YTHDF2: variants seen among roughly 807,000 people sequenced by gnomAD.
YTHDF2 encodes the protein YTH domain-containing family protein 2.
Under a neutral mutation model 50.4 loss-of-function variants are expected in YTHDF2, and 2 were observed. The observed-to-expected ratio is 0.04, with a 90% CI of 0.02 to 0.12. YTHDF2 has a LOEUF of 0.12. YTHDF2 is among the 10% of genes least tolerant of loss of function. The probability of loss-of-function intolerance (pLI) is 1.00; values close to 1 mark genes in which losing one functional copy is unlikely to be tolerated. For missense variants in YTHDF2, 483 were observed against 722.6 expected (o/e 0.67, Z 3.80); for synonymous variants, 217 against 255.6 (o/e 0.85, Z 1.44).
At chr1:28,737,549 C>A in intron 1 of YTHDF2, 109 bp from the exon 2 acceptor site, 3 of 1,483,908 alleles carry the variant, frequency 2.0e-6, no homozygotes, top group Non-Finnish European at 9.3e-7. Context: ...GACGCCTCCC[C>A]TCGGGCCTGC....
intron 4 of YTHDF2, among the ~76,000 whole-genome samples, chr1:28,753,124 T>C (rs2087981978): frequency 6.6e-6 from 1 of 151,752 alleles, no homozygotes; most frequent in African/African-American, 2.4e-5. Flanking sequence ...GCTCAAAACA[T>C]GTTTCATGTT....
At chr1:28,738,215 A>G (rs1225700298) in intron 2 of YTHDF2, 44 bp from the exon 3 acceptor site, 12 of 1,478,204 alleles carry the variant, frequency 8.1e-6, no homozygotes, top group African/African-American at 1.4e-5. Flanking sequence ...TGAAAGGAAG[A>G]TTGTAGGATT....
chr1:28,745,982 T>C (rs913723159), intron 4 of YTHDF2, among the ~76,000 whole-genome samples: 1 of 152,176 alleles, frequency 6.6e-6, no homozygotes. Flanking sequence ...GAGGTTGTAG[T>C]GAGCCATGAT....
rs752417788 is a variant in YTHDF2 at position 28,743,414 on chromosome 1, C to T, written c.1144C>T (p.Pro382Ser). 20 of 1,614,196 alleles carry T rather than the reference C, an allele frequency of 1.2e-5. No individual in the cohort carries two copies. Among genetic ancestry groups the T allele is most frequent in the Non-Finnish European group, 1.7e-5 (20 of 1,180,042 alleles). ...GQSQAGSGSTPSEPHPVLEKL... is the reference protein window; with the variant it reads ...GQSQAGSGSTSSEPHPVLEKL... ...GTCTCAGGCTGGTTCTGGATCTACT[C>T]CTTCAGAACCCCACCCAGTGTTGGA... The change falls in exon 4 of 5, where the codon CCT (proline) becomes TCT (serine). Residue 382 changes from proline to serine, a missense_variant. Physicochemically the swap from Pro to Ser is moderately conservative, Grantham distance 74. Around this residue, in one of 4 missense-constraint regions of YTHDF2, gnomAD observed 385 missense variants for 475.8 expected, o/e 0.81. Coordinates refer to ENST00000373812, the MANE Select transcript of YTHDF2 (RefSeq NM_016258.3). This position sits in a 1 kb window ranked among gnomAD's most constrained non-coding sequence, Gnocchi z 6.9.
At chr1:28,760,496 G>A (rs1570477957) in intron 4 of YTHDF2, among the ~76,000 whole-genome samples, 1 of 152,094 alleles carries the variant, frequency 6.6e-6, no homozygotes, top group East Asian at 1.9e-4. Flanking sequence ...GGGTTTCACC[G>A]TGTTAGCCAG....
At chr1:28,759,613 TAAGTATTTGTGTATCTAA>T (rs1481685805) in intron 4 of YTHDF2, among the ~76,000 whole-genome samples, 1 of 152,206 alleles carries the variant, frequency 6.6e-6, no homozygotes, top group African/African-American at 2.4e-5. Context: ...AATGCAATGA[TAAGTATTTGTGTATCTAA>T]ACACAGAAAA....
chr1:28,747,920 T>C (rs1316596854), intron 4 of YTHDF2, among the ~76,000 whole-genome samples: 1 of 150,088 alleles, frequency 6.7e-6, no homozygotes. Context: ...GGTCAGGAGA[T>C]CAAGACCATC....
chr1:28,749,314 C>T (rs1415075410), intron 4 of YTHDF2, among the ~76,000 whole-genome samples: 2 of 151,820 alleles, frequency 1.3e-5, no homozygotes, highest in African/African-American at 2.4e-5. Flanking sequence ...GCCTCAGCCT[C>T]TCGCGTAGCT....
At chr1:28,760,803 C>A (rs1220304807) in intron 4 of YTHDF2, among the ~76,000 whole-genome samples, 1 of 152,234 alleles carries the variant, frequency 6.6e-6, no homozygotes, top group South Asian at 2.1e-4. Context: ...TGGTCTCAAA[C>A]TCCTGATCTC....
At chr1:28,747,094 T>C (rs2087875501) in intron 4 of YTHDF2, among the ~76,000 whole-genome samples, 1 of 152,096 alleles carries the variant, frequency 6.6e-6, no homozygotes, top group South Asian at 2.1e-4. Flanking sequence ...AAAAAAAAAT[T>C]CAGCTTTTAA....
upstream of YTHDF2, chr1:28,736,874 T>C (rs908349063): frequency 1.9e-5 from 8 of 419,564 alleles, no homozygotes; most frequent in Admixed American, 4.6e-5. Context: ...TTCGGCGCTC[T>C]GCTTTAGGCG....
At chr1:28,760,271 TTGTGTGTGTGTGTG>T (rs28969505) in intron 4 of YTHDF2, among the ~76,000 whole-genome samples, 37,340 of 147,224 alleles carry the variant, frequency 0.25, 5,003 homozygotes, top group Middle Eastern at 0.33. Context: ...ACATAGTAGG[TTGTGTGTGTGTGTG>T]TGTGTGTGTG....
chr1:28,742,995 T>C lies in YTHDF2; in HGVS notation c.725T>C (p.Ile242Thr), dbSNP rs1160869232. 2 of 1,614,234 alleles carry C rather than the reference T, an allele frequency of 1.2e-6. No homozygotes were observed. Among genetic ancestry groups the C allele is most frequent in the Non-Finnish European group, 1.7e-6 (2 of 1,180,042 alleles). The part of the protein sequence containing the change: ...APPKPASWAD[I>T]ASKPAKQQPK... Reference sequence around the variant, plus strand: ...CCAAAACCAGCATCTTGGGCTGATATTGCTAGCAAGCCTGCAAAACAGCAA... The same window carrying C: ...CCAAAACCAGCATCTTGGGCTGATACTGCTAGCAAGCCTGCAAAACAGCAA... Residue 242 changes from isoleucine to threonine, a missense_variant, in exon 4 of 5, where the codon ATT (isoleucine) becomes ACT (threonine). Coordinates refer to ENST00000373812, the MANE Select transcript of YTHDF2 (RefSeq NM_016258.3).
chr1:28,741,045 C>T (rs2087768673), intron 3 of YTHDF2, among the ~76,000 whole-genome samples: 2 of 152,014 alleles, frequency 1.3e-5, no homozygotes, highest in Non-Finnish European at 2.9e-5. Context: ...GTTGCCCAGG[C>T]TGCAGTGCAG....
In YTHDF2 at chr1:28,750,059, C is replaced by T. The variant is rs534380119; in HGVS notation, c.1716+6073C>T. On this transcript the variant is annotated intron_variant, in intron 4 of 4. Coordinates refer to ENST00000373812, the MANE Select transcript of YTHDF2 (RefSeq NM_016258.3). ...AGGCTGGAGTGCAATGGCGTGATCT[C>T]GGCTCACTGCAACCTCTGCCTCCCA... 1.7e-4 allele frequency among the ~76,000 whole-genome samples: 21 copies of T among 126,168 alleles called. No individual in the cohort carries two copies. In the South Asian group the frequency reaches 4.9e-3, roughly 29 times the overall value. The allele number at this position is 126,168 out of a possible 152,430, so 82.8% of individuals were successfully genotyped here. A position where few individuals can be genotyped will look rare whatever the true frequency, so the allele number is the denominator to read the frequency against.
intron 4 of YTHDF2, 91 bp downstream of exon 4, chr1:28,744,077 C>G: frequency 7.5e-7 from 1 of 1,332,150 alleles, no homozygotes; most frequent in Non-Finnish European, 9.9e-7. Context: ...AATAAAAACT[C>G]TGTAAATGAA....
intron 4 of YTHDF2, among the ~76,000 whole-genome samples, chr1:28,766,395 G>A (rs1422914066): frequency 6.6e-6 from 1 of 152,218 alleles, no homozygotes; most frequent in Non-Finnish European, 1.5e-5. Flanking sequence ...GGGATTACAG[G>A]AGTGAGCTAT....
chr1:28,762,014 C>T (rs1045367606), intron 4 of YTHDF2, among the ~76,000 whole-genome samples: 1 of 152,044 alleles, frequency 6.6e-6, no homozygotes, highest in Non-Finnish European at 1.5e-5. Context: ...AACTTATTCA[C>T]GGCATTGGAG....
rs754782769 is a variant in YTHDF2, at chr1:28,743,232, C to T, written c.962C>T (p.Ser321Leu). The stretch of plus-strand genomic sequence containing the variant: ...AATAGCCCACCAGTGGCTCAGGCAT[C>T]AGTAGGGCAACAGACACAGCCATTG... Reference protein sequence around the residue: ...ANNSPPVAQASVGQQTQPLPP... With the variant: ...ANNSPPVAQALVGQQTQPLPP... The change falls in exon 4 of 5, where the codon TCA becomes TTA. Residue 321 changes from serine (S) to leucine (L), a missense_variant. Coordinates refer to ENST00000373812, the MANE Select transcript of YTHDF2 (RefSeq NM_016258.3). This position sits in a 1 kb window ranked among gnomAD's most constrained non-coding sequence, Gnocchi z 6.9. The T allele has an allele frequency of 1.9e-6, 3 of 1,614,140 alleles. No homozygotes were observed. Among genetic ancestry groups the T allele is most frequent in the Non-Finnish European group, 2.5e-6 (3 of 1,180,046 alleles).
Sources: allele counts gnomAD v4.1 joint callset (sites outside exome capture counted in the v4.1 genomes callset), GRCh38; gene constraint gnomAD v4.1.1; regional missense constraint gnomAD v4.1.1; non-coding constraint Gnocchi (gnomAD v3.1); transcripts MANE v1.5; gene names NCBI Gene and HGNC (gene_info 2026-07-23, HGNC 2026-07-21).